EIF2AK1: variants seen among roughly 807,000 people sequenced by gnomAD.
EIF2AK1 encodes the protein eukaryotic translation initiation factor 2-alpha kinase 1.
Under a neutral mutation model 77.9 loss-of-function variants are expected in EIF2AK1, and 54 were observed. That is an observed-to-expected ratio of 0.69 (90% CI 0.56 to 0.87). The LOEUF (loss-of-function observed/expected upper bound fraction) is 0.87, where lower values mean the gene tolerates loss of function less well. EIF2AK1 is among the 40% of genes least tolerant of loss of function. The pLI, the probability that EIF2AK1 is intolerant of heterozygous loss-of-function variation, is 0.00. For missense variants in EIF2AK1, 810 were observed against 768.6 expected (o/e 1.05, Z -0.64); for synonymous variants, 314 against 290.5 (o/e 1.08, Z -0.82).
rs1217235170 is a variant in EIF2AK1 at position 6,023,729 on chromosome 7, A to T, written c.*944T>A. ...GATTTTAAAGGGTTTAGATTTTAAG[A>T]ATGGTGCTCTTTCATGCCTATTATC... On this transcript the variant is annotated 3_prime_UTR_variant, in exon 15 of 15. Coordinates refer to ENST00000199389, the MANE Select transcript of EIF2AK1 (RefSeq NM_014413.4). The T allele has an allele frequency of 2.5e-6, 4 of 1,614,110 alleles. No homozygotes were observed.
chr7:6,047,845 C>G (rs1438204977), intron 4 of EIF2AK1: 1 of 152,370 alleles, frequency 6.6e-6, no homozygotes, highest in African/African-American at 2.4e-5. Context: ...GTTCACTCCT[C>G]CTTAGGCAAC....
Position 6,027,654 on chromosome 7 carries a change from T to C in EIF2AK1, c.1531-693A>G, listed in dbSNP as rs1787787517. On this transcript the variant is annotated intron_variant, in intron 13 of 14. Coordinates refer to ENST00000199389, the MANE Select transcript of EIF2AK1 (RefSeq NM_014413.4). The surrounding 1 kb of genome is among the most constrained non-coding windows in gnomAD (Gnocchi z 4.5). ...GGGGAGTCAAGGGGCAGGCTTCCCC[T>C]TGGTGTTTATTTACCAAAGCTTGAA... 6.6e-6 allele frequency among the ~76,000 whole-genome samples: 1 copy of C among 152,000 alleles called. No individual in the cohort carries two copies. Among genetic ancestry groups the C allele is most frequent in the African/African-American group, 2.4e-5 (1 of 41,370 alleles).
chr7:6,024,709 C>T lies in EIF2AK1; in HGVS notation c.1857G>A (p.Gly619=). 1 of 1,610,622 alleles carries T rather than the reference C, an allele frequency of 6.2e-7. No individual in the cohort carries two copies. Among genetic ancestry groups the T allele is most frequent in the Non-Finnish European group, 8.5e-7 (1 of 1,179,140 alleles). The change falls in exon 15 of 15, where the codon GGG becomes GGA. Residue 619 remains glycine (G), a synonymous_variant. Transcript: ENST00000199389. Reference sequence around the variant, plus strand: ...CCCCATCCTTTCCGTCATCCCTCACCCCTTTGTCTTGAGAAAGGAGGTTTA... The same window carrying T: ...CCCCATCCTTTCCGTCATCCCTCACTCCTTTGTCTTGAGAAAGGAGGTTTA... ...KQLNLLSQDK[G]VRDDGKDGGV...
chr7:6,026,563 G>T lies in EIF2AK1; in HGVS notation c.1764+165C>A, dbSNP rs1022780115. On this transcript the variant is annotated intron_variant, in intron 14 of 14. Coordinates refer to ENST00000199389, the MANE Select transcript of EIF2AK1 (RefSeq NM_014413.4). ...GTGAGTCCTGCCAGCACACCCTGCA[G>T]CTGAGTGCCAGGAAGTGGACGAGAA... 3 of 720,016 alleles carry T rather than the reference G, an allele frequency of 4.2e-6. No individual in the cohort carries two copies. In the African/African-American group the frequency reaches 5.2e-5, roughly 13 times the overall value. The allele number at this position is 720,016 out of a possible 1,614,324, so 44.6% of individuals were successfully genotyped here.
Position 6,027,871 on chromosome 7 carries a change from C to G in EIF2AK1, c.1530+744G>C, listed in dbSNP as rs1787794491. ...TTTGAGGCCAGGAGTTTGAGACCAA[C>G]CTGGACAAAGCAAGACCCATCTCTA... is the stretch of plus-strand genomic sequence containing the variant. On this transcript the variant is annotated intron_variant, in intron 13 of 14. Transcript: ENST00000199389. This position sits in a 1 kb window ranked among gnomAD's most constrained non-coding sequence, Gnocchi z 4.5. 2 of 420,860 alleles carry G rather than the reference C, an allele frequency of 4.8e-6. No individual in the cohort carries two copies. Among genetic ancestry groups the G allele is most frequent in the South Asian group, 3.5e-5 (2 of 57,578 alleles). 26.1% of individuals were successfully genotyped at this position (420,860 alleles called of 1,614,324 possible). A position where few individuals can be genotyped will look rare whatever the true frequency, so the allele number is the denominator to read the frequency against.
chr7:6,037,608 C>T, intron 10 of EIF2AK1, 84 bp from the exon 11 acceptor site: 1 of 809,174 alleles, frequency 1.2e-6, no homozygotes, highest in Non-Finnish European at 2.1e-6. Context: ...ATTCTAAATA[C>T]ATTAACATCT....
intron 4 of EIF2AK1, chr7:6,048,146 A>G (rs1284074742): frequency 6.6e-6 from 1 of 152,220 alleles, no homozygotes; most frequent in East Asian, 1.9e-4. Context: ...AGTGGTTTTT[A>G]GTACATAAAG....
chr7:6,056,598 G>GAAAAAAAAAAAAAAAAAAAAAAA, intron 1 of EIF2AK1, among the ~76,000 whole-genome samples: 1 of 48,828 alleles, frequency 2.0e-5, no homozygotes, highest in African/African-American at 7.3e-5. Context: ...CATCTCAAGG[G>GAAAAAAAAAAAAAAAAAAAAAAA]AAAAAAAAAA....
At chr7:6,057,264 G>A (rs1303658709) in intron 1 of EIF2AK1, among the ~76,000 whole-genome samples, 8 of 150,994 alleles carry the variant, frequency 5.3e-5, no homozygotes, top group Non-Finnish European at 2.9e-5. Flanking sequence ...AAAATTATAG[G>A]TAGTATTAAG....
chr7:6,045,470 T>C (rs1162330629), intron 6 of EIF2AK1, among the ~76,000 whole-genome samples: 2 of 152,070 alleles, frequency 1.3e-5, no homozygotes, highest in Admixed American at 6.6e-5. Context: ...AACATATTTA[T>C]AGGGCATTTT....
At position 6,046,160 on chromosome 7, in the gene EIF2AK1, T is replaced by C. The variant is rs761491901; in HGVS notation, c.550-9A>G. The C allele has an allele frequency of 2.7e-6, 4 of 1,469,512 alleles. No homozygotes were observed. Among genetic ancestry groups the C allele is most frequent in the African/African-American group, 1.4e-5 (1 of 69,064 alleles). 91.0% of individuals were successfully genotyped at this position (1,469,512 alleles called of 1,614,324 possible). ...TCTAATTTATTCCTGACCTGAAAAG[T>C]AGAAAAAAAGACAAAGTATATTGTG... On this transcript the variant is annotated splice_polypyrimidine_tract_variant and intron_variant, in intron 5 of 14. Coordinates refer to ENST00000199389, the MANE Select transcript of EIF2AK1 (RefSeq NM_014413.4).
In EIF2AK1 at chr7:6,033,482, G is replaced by A. The variant is rs1296615851; in HGVS notation, c.1332+3942C>T. 2.6e-5 allele frequency among the ~76,000 whole-genome samples: 4 copies of A among 152,182 alleles called. No homozygotes were observed. The highest frequency in any genetic ancestry group is 7.2e-5 in the African/African-American group (3 of 41,434). ...CATTCTGAGGATTAAGAGCTCAATG[G>A]TGGTGTTGTGAGGAATGCAGTAAAG... On this transcript the variant is annotated intron_variant, in intron 11 of 14. Coordinates refer to ENST00000199389, the MANE Select transcript of EIF2AK1 (RefSeq NM_014413.4). The surrounding 1 kb of genome is among the most constrained non-coding windows in gnomAD (Gnocchi z 4.4).
At chr7:6,057,953 A>G (rs1262161831) in intron 1 of EIF2AK1, among the ~76,000 whole-genome samples, 1 of 152,130 alleles carries the variant, frequency 6.6e-6, no homozygotes, top group Non-Finnish European at 1.5e-5. Context: ...AGCACAATTT[A>G]ATTTTTAATA....
At position 6,056,628 on chromosome 7, in the gene EIF2AK1, A is replaced by ATG. The variant is rs1554324725; in HGVS notation, c.119-1925_119-1924insCA. ...AAAAAAAAAAAATATATATATATAT[A>ATG]TATATATAAACTCTGTCTGGACATT... On this transcript the variant is annotated intron_variant, in intron 1 of 14. Coordinates refer to ENST00000199389, the MANE Select transcript of EIF2AK1 (RefSeq NM_014413.4). Among the ~76,000 whole-genome samples, 487 of 75,898 alleles carry ATG rather than the reference A, an allele frequency of 6.4e-3. 22 individuals are homozygous for ATG. Among genetic ancestry groups the ATG allele is most frequent in the Middle Eastern group, 0.022 (3 of 134 alleles). The allele number at this position is 75,898 out of a possible 152,430, so 49.8% of individuals were successfully genotyped here. A position where few individuals can be genotyped will look rare whatever the true frequency, so the allele number is the denominator to read the frequency against.
intron 6 of EIF2AK1, among the ~76,000 whole-genome samples, chr7:6,045,767 TG>T (rs1788430231): frequency 7.1e-6 from 1 of 140,422 alleles, no homozygotes; most frequent in Non-Finnish European, 1.6e-5. Context: ...TAGCCAGGCA[TG>T]GTGGCAGATG....
rs1000966395 is a variant in EIF2AK1 at position 6,033,220 on chromosome 7, C to A, written c.1333-4188G>T. Among the ~76,000 whole-genome samples, 1 of 152,160 alleles carries A rather than the reference C, an allele frequency of 6.6e-6. No homozygotes were observed. Among genetic ancestry groups the A allele is most frequent in the Non-Finnish European group, 1.5e-5 (1 of 68,026 alleles). On this transcript the variant is annotated intron_variant, in intron 11 of 14. Coordinates refer to ENST00000199389, the MANE Select transcript of EIF2AK1 (RefSeq NM_014413.4). The surrounding 1 kb of genome is among the most constrained non-coding windows in gnomAD (Gnocchi z 4.4). The stretch of plus-strand genomic sequence containing the variant: ...CTGGCCTCAAGTGATCCACCTGCCT[C>A]GGCCTCCCAAAGTGCTGGGATTAAC...
Position 6,023,286 on chromosome 7 carries a change from G to A in EIF2AK1, c.*1387C>T, listed in dbSNP as rs778159560. ...GGCTGCTCTGGTGATGCTACCTGGC[G>A]TGTTTTTTCTTTTCAGTGCCGAAGA... On this transcript the variant is annotated 3_prime_UTR_variant, in exon 15 of 15. Transcript: ENST00000199389. 1.1e-5 allele frequency: 17 copies of A among 1,573,380 alleles called. No homozygotes were observed. The highest frequency in any genetic ancestry group is 3.6e-5 in the Admixed American group (2 of 55,252).
chr7:6,033,689 C>T lies in EIF2AK1; in HGVS notation c.1332+3735G>A, dbSNP rs1011413165. On this transcript the variant is annotated intron_variant, in intron 11 of 14. Coordinates refer to ENST00000199389, the MANE Select transcript of EIF2AK1 (RefSeq NM_014413.4). This position sits in a 1 kb window ranked among gnomAD's most constrained non-coding sequence, Gnocchi z 4.4. Reference sequence around the variant, plus strand: ...GGTTCACGCCATTCTCCTGCCTCAGCCTCCCAAGTAGCTGGGACTACAGGC... The same window carrying T: ...GGTTCACGCCATTCTCCTGCCTCAGTCTCCCAAGTAGCTGGGACTACAGGC... Among the ~76,000 whole-genome samples, 3 of 152,130 alleles carry T rather than the reference C, an allele frequency of 2.0e-5. No homozygotes were observed. The highest frequency in any genetic ancestry group is 2.0e-4 in the Admixed American group (3 of 15,276).
Position 6,027,932 on chromosome 7 carries a change from C to T in EIF2AK1, c.1530+683G>A, listed in dbSNP as rs1223746981. Reference sequence around the variant, plus strand: ...TTTTTATTAGCTGGGTGTGGTAGCACAACTCTTGAAGTCACAGTTACATGG... The same window carrying T: ...TTTTTATTAGCTGGGTGTGGTAGCATAACTCTTGAAGTCACAGTTACATGG... On this transcript the variant is annotated intron_variant, in intron 13 of 14. Transcript: ENST00000199389. The surrounding 1 kb of genome is among the most constrained non-coding windows in gnomAD (Gnocchi z 4.5). 2.2e-6 allele frequency: 1 copy of T among 453,846 alleles called. No individual in the cohort carries two copies. The highest frequency in any genetic ancestry group is 4.4e-6 in the Non-Finnish European group (1 of 226,250). The allele number at this position is 453,846 out of a possible 1,614,324, so 28.1% of individuals were successfully genotyped here.
Sources: gnomAD v4.1 joint callset for allele counts (sites outside exome capture counted in the v4.1 genomes callset) on GRCh38, gnomAD v4.1.1 for gene constraint, Gnocchi (gnomAD v3.1) non-coding constraint, MANE v1.5 for transcripts, NCBI Gene and HGNC (gene_info 2026-07-23, HGNC 2026-07-21) for gene names.